Variants in ANKRD44 observed in about 807,000 individuals in gnomAD.
ANKRD44 encodes the protein ankyrin repeat domain 44.
A neutral mutation model predicts 116.0 loss-of-function variants in ANKRD44; 35 were observed. The observed-to-expected ratio is 0.30, with a 90% CI of 0.23 to 0.40. The LOEUF (loss-of-function observed/expected upper bound fraction) is 0.40, where lower values mean the gene tolerates loss of function less well. ANKRD44 is among the 10% of genes least tolerant of loss of function. The pLI is 1.00. For synonymous variants in ANKRD44, 435 were observed against 461.8 expected (o/e 0.94, Z 0.74); for missense variants, 1,014 against 1,242.6 (o/e 0.82, Z 2.77).
chr2:197,249,555 C>A (rs1055803787), intron 1 of ANKRD44, among the ~76,000 whole-genome samples: 2 of 152,152 alleles, frequency 1.3e-5, no homozygotes, highest in Non-Finnish European at 2.9e-5. Context: ...TTTCAGCAAA[C>A]ACACTCAATA....
rs1166282576 is a variant in ANKRD44, at chr2:197,212,046, T to TCACA, written c.28-24941_28-24940insTGTG. ...GCCTCTCTCTCTCTCTCAGTCTCTC[T>TCACA]CTCTCTCACACACACACACACACAC... On this transcript the variant is annotated intron_variant, in intron 1 of 27. Transcript: ENST00000282272. This position sits in a 1 kb window ranked among gnomAD's most constrained non-coding sequence, Gnocchi z 4.8. Among the ~76,000 whole-genome samples, 15 of 80,718 alleles carry TCACA rather than the reference T, an allele frequency of 1.9e-4. No individual in the cohort carries two copies. The highest frequency in any genetic ancestry group is 4.5e-4 in the African/African-American group (13 of 29,130). 53.0% of individuals were successfully genotyped at this position (80,718 alleles called of 152,430 possible).
chr2:197,002,182 A>G (rs1164593256), intron 21 of ANKRD44, among the ~76,000 whole-genome samples: 1 of 152,218 alleles, frequency 6.6e-6, no homozygotes, highest in East Asian at 1.9e-4. Flanking sequence ...CACATTTATA[A>G]GAGGAAATGT....
In ANKRD44 at chr2:197,125,864, G is replaced by T. The variant is rs887105517; in HGVS notation, c.435C>A (p.His145Gln). Residue 145 changes from histidine to glutamine, a missense_variant, in exon 5 of 28, where the codon CAC (histidine) becomes CAA (glutamine). His to Gln is a conservative substitution (Grantham distance 24, BLOSUM62 0). Coordinates refer to ENST00000282272, the MANE Select transcript of ANKRD44 (RefSeq NM_001195144.2). ...VSDRGGRTAL[H>Q]HAALNGHVEM... ...CCACGTGGCCGTTCAGAGCCGCATG[G>T]TGCAAGGCTGTGCGCCCCCCTCGGT... is the stretch of plus-strand genomic sequence containing the variant. The T allele has an allele frequency of 1.9e-6, 3 of 1,614,150 alleles. No homozygotes were observed. The South Asian group carries it at 3.3e-5, about 18-fold the overall frequency.
In ANKRD44 at chr2:197,136,545, T is replaced by C. The variant is rs142199972; in HGVS notation, c.261+47A>G. The C allele has an allele frequency of 3.2e-3, 5,088 of 1,566,080 alleles. 32 individuals carry two copies. Among genetic ancestry groups the C allele is most frequent in the East Asian group, 0.014 (616 of 44,656 alleles). On this transcript the variant is annotated intron_variant, in intron 4 of 27. Transcript: ENST00000282272. ...CTTAATTCGCTAGCAAGACTTTTTC[T>C]TTTTCTAGGCACAGTAGGTATTAGA...
At chr2:196,977,516 T>G (rs2075768845) in intron 21 of ANKRD44, among the ~76,000 whole-genome samples, 1 of 152,208 alleles carries the variant, frequency 6.6e-6, no homozygotes, top group Admixed American at 6.5e-5. Flanking sequence ...AAACACAACG[T>G]GATTTAAAAA....
intron 1 of ANKRD44, among the ~76,000 whole-genome samples, chr2:197,223,041 G>C (rs2081620501): frequency 2.0e-5 from 3 of 152,052 alleles, no homozygotes; most frequent in Non-Finnish European, 4.4e-5. Flanking sequence ...TCGAACTCCT[G>C]ACCTCAAGTA....
chr2:197,146,968 G>T, intron 3 of ANKRD44, 59 bp downstream of exon 3: 1 of 1,500,362 alleles, frequency 6.7e-7, no homozygotes, highest in Admixed American at 1.7e-5. Flanking sequence ...AGTCAATCTA[G>T]TAAATTGGTT....
chr2:197,047,923 A>G (rs1280200296), intron 16 of ANKRD44, among the ~76,000 whole-genome samples: 5 of 152,110 alleles, frequency 3.3e-5, no homozygotes, highest in East Asian at 1.9e-4. Context: ...AAAAAAAAAA[A>G]AAAGTGTTGG....
At chr2:197,308,172 CAA>C (rs765233263) in intron 1 of ANKRD44, among the ~76,000 whole-genome samples, 3,155 of 63,024 alleles carry the variant, frequency 0.05, 110 homozygotes, top group African/African-American at 0.14. Context: ...CACACACACA[CAA>C]AAAAAAAAAA....
At chr2:197,198,900 C>G (rs2081027802) in intron 1 of ANKRD44, 1 of 152,274 alleles carries the variant, frequency 6.6e-6, no homozygotes, top group Admixed American at 6.5e-5. Context: ...AAACGATTCT[C>G]ACCAACTTCT....
chr2:197,007,963 T>TA (rs781438922), intron 19 of ANKRD44, 40 bp from the exon 20 acceptor site: 8 of 1,390,824 alleles, frequency 5.8e-6, no homozygotes, highest in South Asian at 1.2e-5. Flanking sequence ...AAAGGAGATT[T>TA]AAAAAAATAT....
intron 1 of ANKRD44, among the ~76,000 whole-genome samples, chr2:197,187,670 CTCT>C (rs2080716125): frequency 6.6e-6 from 1 of 152,048 alleles, no homozygotes; most frequent in East Asian, 1.9e-4. Context: ...CTCTCTCTCT[CTCT>C]CTCTCCCTCT....
At chr2:197,199,612 A>G (rs2081047102) in intron 1 of ANKRD44, among the ~76,000 whole-genome samples, 2 of 152,180 alleles carry the variant, frequency 1.3e-5, no homozygotes, top group African/African-American at 4.8e-5. Flanking sequence ...TCCCACACAC[A>G]CACTTTTTTT....
intron 16 of ANKRD44, among the ~76,000 whole-genome samples, chr2:197,026,711 C>G (rs1211347457): frequency 2.0e-5 from 3 of 152,048 alleles, no homozygotes; most frequent in Admixed American, 2.0e-4. Flanking sequence ...GTTACATGAT[C>G]TGTTAGGCTC....
At chr2:197,071,836 C>T (rs1235736888) in intron 16 of ANKRD44, among the ~76,000 whole-genome samples, 1 of 152,172 alleles carries the variant, frequency 6.6e-6, no homozygotes, top group Non-Finnish European at 1.5e-5. Flanking sequence ...CTTTTCAATT[C>T]TAACAGTTTT....
At chr2:197,237,423 C>T (rs1284045001) in intron 1 of ANKRD44, among the ~76,000 whole-genome samples, 2 of 152,168 alleles carry the variant, frequency 1.3e-5, no homozygotes, top group Non-Finnish European at 2.9e-5. Context: ...AAATAAAACT[C>T]GCCAACCCTC....
In ANKRD44 at chr2:197,212,251, C is replaced by T. The variant is rs181238297; in HGVS notation, c.28-25145G>A. Among the ~76,000 whole-genome samples the T allele has an allele frequency of 3.6e-4, 55 of 152,232 alleles. No individual in the cohort carries two copies. Among genetic ancestry groups the T allele is most frequent in the Middle Eastern group, 3.4e-3 (1 of 294 alleles). ...AGTGGGAGCACACTGGCACCAAACA[C>T]GAAAGTCATCTGGCCTCTGAAACTG... On this transcript the variant is annotated intron_variant, in intron 1 of 27. Coordinates refer to ENST00000282272, the MANE Select transcript of ANKRD44 (RefSeq NM_001195144.2). This position sits in a 1 kb window ranked among gnomAD's most constrained non-coding sequence, Gnocchi z 4.8.
At chr2:197,123,229 A>G (rs2078898875) in intron 6 of ANKRD44, among the ~76,000 whole-genome samples, 1 of 152,200 alleles carries the variant, frequency 6.6e-6, no homozygotes, top group Admixed American at 6.5e-5. Context: ...AATTAATGAG[A>G]ATGACCCCAG....
intron 9 of ANKRD44, among the ~76,000 whole-genome samples, chr2:197,101,926 C>A (rs1328963746): frequency 3.9e-5 from 6 of 151,934 alleles, no homozygotes; most frequent in African/African-American, 1.5e-4. Flanking sequence ...ATACATGTTT[C>A]AAAAGTCAAA....
Sources: allele counts gnomAD v4.1 joint callset (sites outside exome capture counted in the v4.1 genomes callset), GRCh38; gene constraint gnomAD v4.1.1; non-coding constraint Gnocchi (gnomAD v3.1); transcripts MANE v1.5; gene names NCBI Gene and HGNC (gene_info 2026-07-23, HGNC 2026-07-21).